CFAP61: variants seen among roughly 807,000 people sequenced by gnomAD.
CFAP61 encodes cilia and flagella associated protein 61, also known as cilia- and flagella-associated protein 61.
Under a neutral mutation model 135.6 loss-of-function variants are expected in CFAP61, and 107 were observed. The observed-to-expected ratio is 0.79, with a 90% CI of 0.67 to 0.93. The LOEUF (loss-of-function observed/expected upper bound fraction) is 0.93. Ranked by LOEUF, CFAP61 falls within the 40% of genes least tolerant of loss-of-function variation. The probability of loss-of-function intolerance (pLI) is 0.00; values close to 1 mark genes in which losing one functional copy is unlikely to be tolerated. For missense variants in CFAP61, 1,507 were observed against 1,556.2 expected (o/e 0.97, Z 0.53); for synonymous variants, 575 against 578.5 (o/e 0.99, Z 0.09).
intron 8 of CFAP61, among the ~76,000 whole-genome samples, chr20:20,141,287 T>C (rs1019868736): frequency 5.3e-5 from 8 of 152,190 alleles, no homozygotes. Flanking sequence ...CCCTGAGCTG[T>C]ACACTTTTCA....
chr20:20,094,170 A>G (rs2047400718), intron 7 of CFAP61, among the ~76,000 whole-genome samples: 1 of 152,104 alleles, frequency 6.6e-6, no homozygotes, highest in Admixed American at 6.5e-5. Flanking sequence ...AAGGATTTTT[A>G]TTTATTTTTT....
intron 9 of CFAP61, among the ~76,000 whole-genome samples, chr20:20,157,171 C>G (rs1569024626): frequency 6.6e-6 from 1 of 152,132 alleles, no homozygotes; most frequent in Non-Finnish European, 1.5e-5. Context: ...CTCCCAGGTT[C>G]AAGTGATACT....
At chr20:20,235,770 T>A (rs1233554372) in intron 18 of CFAP61, among the ~76,000 whole-genome samples, 1 of 151,790 alleles carries the variant, frequency 6.6e-6, no homozygotes, top group Non-Finnish European at 1.5e-5. Flanking sequence ...TGATGTTGGG[T>A]GGAAATTTGG....
chr20:20,267,867 G>A (rs958233583), intron 21 of CFAP61: 3 of 152,202 alleles, frequency 2.0e-5, no homozygotes, highest in African/African-American at 4.8e-5. Flanking sequence ...CACTGCAGAT[G>A]GCATGCATTT....
intron 9 of CFAP61, among the ~76,000 whole-genome samples, chr20:20,149,734 A>AT (rs1190191891): frequency 6.6e-6 from 1 of 152,200 alleles, no homozygotes; most frequent in Non-Finnish European, 1.5e-5. Flanking sequence ...ATCCCTGACT[A>AT]TATCTCACAG....
At chr20:20,309,106 C>T (rs1040752672) in intron 25 of CFAP61, among the ~76,000 whole-genome samples, 4 of 152,170 alleles carry the variant, frequency 2.6e-5, no homozygotes, top group Non-Finnish European at 4.4e-5. Flanking sequence ...TGCAAAGAGA[C>T]GCTTTGAAGC....
At chr20:20,084,727 G>C (rs550528263) in intron 6 of CFAP61, among the ~76,000 whole-genome samples, 1 of 152,314 alleles carries the variant, frequency 6.6e-6, no homozygotes, top group East Asian at 1.9e-4. Flanking sequence ...AGTGCTGAGG[G>C]AGTTTGTCCT....
intron 8 of CFAP61, among the ~76,000 whole-genome samples, chr20:20,120,819 A>G (rs1425386329): frequency 6.6e-6 from 1 of 152,122 alleles, no homozygotes; most frequent in Non-Finnish European, 1.5e-5. Flanking sequence ...TCTAGTGTTG[A>G]GTTCATAGAT....
intron 21 of CFAP61, among the ~76,000 whole-genome samples, chr20:20,270,683 T>A (rs905857453): frequency 5.4e-5 from 1 of 18,430 alleles, no homozygotes; most frequent in African/African-American, 3.7e-4. Context: ...CATTATTCTT[T>A]TTTTTTTTTT....
chr20:20,147,379 C>A (rs1004514653), intron 9 of CFAP61, among the ~76,000 whole-genome samples: 1 of 152,140 alleles, frequency 6.6e-6, no homozygotes, highest in Admixed American at 6.5e-5. Context: ...TAAAAGTGTT[C>A]CCTTTTCACC....
intron 26 of CFAP61, among the ~76,000 whole-genome samples, chr20:20,351,532 A>C (rs913981687): frequency 6.6e-6 from 1 of 151,612 alleles, no homozygotes; most frequent in Non-Finnish European, 1.5e-5. Flanking sequence ...CAGTGAGCCG[A>C]GATCATGCCA....
At chr20:20,261,062 C>G (rs956321894) in intron 20 of CFAP61, among the ~76,000 whole-genome samples, 1 of 152,180 alleles carries the variant, frequency 6.6e-6, no homozygotes, top group African/African-American at 2.4e-5. Flanking sequence ...ATTTTGGTTA[C>G]AGTAAATGAC....
At position 20,290,342 on chromosome 20, in the gene CFAP61, A is replaced by C. The variant is rs779039625; in HGVS notation, c.3167A>C (p.Lys1056Thr). The change falls in exon 24 of 27, where the codon AAG becomes ACG. Residue 1056 changes from lysine to threonine, a missense_variant. Transcript: ENST00000245957. ...TCTTACCATTATCTGCATATTGCCA[A>C]GCCTGCCATTCCAACTCCCTTGGAG... The part of the protein sequence containing the change: ...PGSYHYLHIA[K>T]PAIPTPLEVQ... 1.2e-6 allele frequency: 2 copies of C among 1,613,772 alleles called. No homozygotes were observed. Among genetic ancestry groups the C allele is most frequent in the Non-Finnish European group, 1.7e-6 (2 of 1,179,614 alleles).
At chr20:20,098,594 C>CGA in intron 7 of CFAP61, 61 bp from the exon 8 acceptor site, 2 of 1,389,632 alleles carry the variant, frequency 1.4e-6, no homozygotes, top group Non-Finnish European at 1.9e-6. Context: ...GGTGACAGAG[C>CGA]GAGACTTTGT....
chr20:20,052,697 G>A (rs1384738302), intron 1 of CFAP61, 106 bp downstream of exon 1: 14 of 1,612,000 alleles, frequency 8.7e-6, no homozygotes, highest in Non-Finnish European at 1.1e-5. Flanking sequence ...AGGCGAGGAC[G>A]AGTGGCTCTG....
chr20:20,355,293 G>T (rs2059051181), intron 26 of CFAP61, among the ~76,000 whole-genome samples: 1 of 135,440 alleles, frequency 7.4e-6, no homozygotes, highest in Non-Finnish European at 1.6e-5. Context: ...CACTGTGAGG[G>T]GAGGTCACAC....
intron 18 of CFAP61, among the ~76,000 whole-genome samples, chr20:20,230,213 C>T (rs1467279857): frequency 6.6e-6 from 1 of 152,098 alleles, no homozygotes; most frequent in Non-Finnish European, 1.5e-5. Flanking sequence ...TCAAACAGAG[C>T]TTTTTAAAGC....
At chr20:20,192,742 ACTTATTTCTAC>A (rs1309687818) in intron 15 of CFAP61, among the ~76,000 whole-genome samples, 2 of 152,106 alleles carry the variant, frequency 1.3e-5, no homozygotes, top group Admixed American at 6.5e-5. Context: ...GACGTTGATC[ACTTATTTCTAC>A]GTGTTTTGTG....
chr20:20,237,944 A>G (rs971567059), intron 18 of CFAP61, among the ~76,000 whole-genome samples: 1 of 152,230 alleles, frequency 6.6e-6, no homozygotes, highest in Non-Finnish European at 1.5e-5. Flanking sequence ...CAACCACTAC[A>G]GTGTTGGTGA....
Sources: allele counts gnomAD v4.1 joint callset (sites outside exome capture counted in the v4.1 genomes callset), GRCh38; gene constraint gnomAD v4.1.1; transcripts MANE v1.5; gene names NCBI Gene and HGNC (gene_info 2026-07-23, HGNC 2026-07-21).